MGME1: variants seen among roughly 807,000 people sequenced by gnomAD.
MGME1 encodes the protein chromosome 20 open reading frame 72.
A neutral mutation model predicts 33.0 loss-of-function variants in MGME1; 22 were observed. The observed-to-expected ratio is 0.67, with a 90% CI of 0.48 to 0.95. MGME1 has a LOEUF of 0.95. Among genes scored for constraint, MGME1 ranks in the 40% least tolerant of loss-of-function variants. The pLI, the probability that MGME1 is intolerant of heterozygous loss-of-function variation, is 0.00. For missense variants in MGME1, 383 were observed against 397.8 expected (o/e 0.96, Z 0.32); for synonymous variants, 133 against 144.0 (o/e 0.92, Z 0.55).
chr20:17,979,562 A>C (rs1340822712), intron 3 of MGME1, among the ~76,000 whole-genome samples: 1 of 148,690 alleles, frequency 6.7e-6, no homozygotes. Flanking sequence ...GGCGCATGCC[A>C]CCACGCCCGG....
intron 3 of MGME1, among the ~76,000 whole-genome samples, chr20:17,982,202 C>T (rs1198074810): frequency 6.6e-6 from 1 of 152,246 alleles, no homozygotes; most frequent in Non-Finnish European, 1.5e-5. Context: ...GGCACCGCAA[C>T]TTCCACCTCC....
At position 17,988,255 on chromosome 20, in the gene MGME1, C is replaced by CA. The variant is rs773795690; in HGVS notation, c.822dup (p.Tyr275IlefsTer8). 2.5e-6 allele frequency: 4 copies of CA among 1,614,086 alleles called. No homozygotes were observed. The South Asian group carries it at 4.4e-5, about 18-fold the overall frequency. On this transcript the variant is annotated frameshift_variant, in exon 4 of 5. Coordinates refer to ENST00000377710, the MANE Select transcript of MGME1 (RefSeq NM_052865.4). LOFTEE classifies it high-confidence loss of function. ...TTTGACAACCCACTGCAAGTTGTGG[C>CA]ATACATGGGTGCCATGAACCATGAT...
chr20:17,991,107 A>G lies in MGME1; in HGVS notation c.*998A>G, dbSNP rs994793382. 2.0e-5 allele frequency: 3 copies of G among 152,204 alleles called. No individual in the cohort carries two copies. The highest frequency in any genetic ancestry group is 6.5e-5 in the Admixed American group (1 of 15,282). 9.4% of individuals were successfully genotyped at this position (152,204 alleles called of 1,614,324 possible). ...CCATTTTCATAAGAAATAAAATACA[A>G]GATATGAGTAATGAAGCTTTGGTTT... On this transcript the variant is annotated 3_prime_UTR_variant, in exon 5 of 5. Transcript: ENST00000377710.
chr20:17,979,310 C>T (rs2035944730), intron 3 of MGME1, among the ~76,000 whole-genome samples: 1 of 152,130 alleles, frequency 6.6e-6, no homozygotes, highest in African/African-American at 2.4e-5. Flanking sequence ...AATTCCTGAA[C>T]TCAAGCAAGC....
chr20:17,968,672 C>T, upstream of MGME1: 1 of 587,360 alleles, frequency 1.7e-6, no homozygotes, highest in Non-Finnish European at 3.1e-6. Context: ...CATCTTGGAG[C>T]CGGGCAAAGA....
intron 2 of MGME1, among the ~76,000 whole-genome samples, chr20:17,974,767 T>C (rs2035817157): frequency 1.3e-5 from 2 of 152,128 alleles, no homozygotes; most frequent in South Asian, 4.1e-4. Context: ...GAGACACAGC[T>C]GAATTTTTCA....
upstream of MGME1, chr20:17,968,771 C>T (rs1568602625): frequency 3.0e-6 from 1 of 333,152 alleles, no homozygotes; most frequent in African/African-American, 2.2e-5. Context: ...GGACACTCTC[C>T]CAGCAAGACG....
At chr20:17,981,190 T>TA (rs2036009598) in intron 3 of MGME1, among the ~76,000 whole-genome samples, 1 of 152,196 alleles carries the variant, frequency 6.6e-6, no homozygotes, top group Non-Finnish European at 1.5e-5. Context: ...CTATGTATAA[T>TA]ACACATGCAT....
rs534614395 is a variant in MGME1 at position 17,979,343 on chromosome 20, T to C, written c.731+3440T>C. 2.6e-5 allele frequency among the ~76,000 whole-genome samples: 4 copies of C among 152,284 alleles called. No homozygotes were observed. The South Asian group carries it at 8.3e-4, about 32-fold the overall frequency. ...AGCTGCCTGTCTCCGTCTCCCAAAG[T>C]GCTGGGATTTACAGGTGTGAGGCAC... On this transcript the variant is annotated intron_variant, in intron 3 of 4. Transcript: ENST00000377710.
intron 3 of MGME1, among the ~76,000 whole-genome samples, chr20:17,987,769 G>A (rs1350727463): frequency 3.3e-5 from 5 of 152,290 alleles, no homozygotes; most frequent in Middle Eastern, 3.4e-3. Flanking sequence ...AGATTGAACC[G>A]ATAGAGTCCT....
In MGME1 at chr20:17,975,896, G is replaced by A. The variant is rs775513120; in HGVS notation, c.724G>A (p.Glu242Lys). 6.2e-6 allele frequency: 10 copies of A among 1,612,784 alleles called. No individual in the cohort carries two copies. The highest frequency in any genetic ancestry group is 7.6e-6 in the Non-Finnish European group (9 of 1,178,870). The change falls in exon 3 of 5, where the codon GAG becomes AAG. Residue 242 changes from glutamate to lysine, a missense_variant. Physicochemically the swap from Glu to Lys is moderately conservative, Grantham distance 56. Transcript: ENST00000377710. ...NYIGLLDCVA[E>K]YQGKLCVIDW... ...TATAGGTCTGCTGGACTGTGTGGCT[G>A]AGTATCAGTAAGTATGAGATTGGAG...
rs762566619 is a variant in MGME1 at position 17,990,161 on chromosome 20, A to G, written c.*52A>G. On this transcript the variant is annotated 3_prime_UTR_variant, in exon 5 of 5. Transcript: ENST00000377710. ...CAGCACCTTCTCACAGTTTGGGAAC[A>G]TATATTGCTGTTTACTCCAGTGTAA... is the stretch of plus-strand genomic sequence containing the variant. 13 of 1,525,942 alleles carry G rather than the reference A, an allele frequency of 8.5e-6. No homozygotes were observed. The highest frequency in any genetic ancestry group is 1.7e-5 in the Admixed American group (1 of 59,636). 94.5% of individuals were successfully genotyped at this position (1,525,942 alleles called of 1,614,324 possible).
chr20:17,985,043 A>C, intron 3 of MGME1, among the ~76,000 whole-genome samples: 1 of 150,952 alleles, frequency 6.6e-6, no homozygotes, highest in Non-Finnish European at 1.5e-5. Context: ...TCTCAAAAAA[A>C]AAAAAAAAAA....
chr20:17,982,297 T>G lies in MGME1; in HGVS notation c.732-5869T>G, dbSNP rs116977769. ...CACCATGCTCAGCTAATTTTTTGTT[T>G]TTAGTGGAGACAGGGTTTCACCATG... On this transcript the variant is annotated intron_variant, in intron 3 of 4. Coordinates refer to ENST00000377710, the MANE Select transcript of MGME1 (RefSeq NM_052865.4). Among the ~76,000 whole-genome samples, 8 of 152,128 alleles carry G rather than the reference T, an allele frequency of 5.3e-5. 1 individual carries two copies. The East Asian group carries it at 1.6e-3, about 30-fold the overall frequency.
chr20:17,984,112 T>A (rs990195898), intron 3 of MGME1, among the ~76,000 whole-genome samples: 7 of 152,290 alleles, frequency 4.6e-5, no homozygotes, highest in Middle Eastern at 3.4e-3. Context: ...AGGGTACAAT[T>A]TCATTCTTAT....
chr20:17,975,277 G>A (rs181096723), intron 2 of MGME1, among the ~76,000 whole-genome samples: 6 of 152,208 alleles, frequency 3.9e-5, no homozygotes, highest in African/African-American at 1.4e-4. Context: ...TGTAATTTTT[G>A]GCCGGGCACG....
Position 17,970,095 on chromosome 20 carries a change from G to C in MGME1, c.236G>C (p.Cys79Ser). The change falls in exon 2 of 5, where the codon TGT becomes TCT. Residue 79 changes from cysteine to serine, a missense_variant. Coordinates refer to ENST00000377710, the MANE Select transcript of MGME1 (RefSeq NM_052865.4). ...PGSVEEDALL[C>S]GPVSKHKLPN... ...TCGGTGGAGGAAGATGCTTTGCTCT[G>C]TGGACCCGTGAGCAAGCATAAGCTG... 1.2e-6 allele frequency: 2 copies of C among 1,614,238 alleles called. No homozygotes were observed.
At chr20:17,976,259 G>C (rs960795756) in intron 3 of MGME1, among the ~76,000 whole-genome samples, 3 of 152,074 alleles carry the variant, frequency 2.0e-5, no homozygotes, top group Non-Finnish European at 4.4e-5. Context: ...GAGTAGCTGG[G>C]ACTACAGGCA....
intron 3 of MGME1, among the ~76,000 whole-genome samples, chr20:17,979,079 A>G (rs2035939070): frequency 6.6e-6 from 1 of 151,354 alleles, no homozygotes; most frequent in Non-Finnish European, 1.5e-5. Context: ...CACCCAGCCT[A>G]GAATTTTTTT....
Sources: gnomAD v4.1 joint callset for allele counts (sites outside exome capture counted in the v4.1 genomes callset) on GRCh38, gnomAD v4.1.1 for gene constraint, MANE v1.5 for transcripts, NCBI Gene and HGNC (gene_info 2026-07-23, HGNC 2026-07-21) for gene names.